The following FMN1 variants were observed in gnomAD, a reference collection of about 807,000 sequenced individuals.
The protein encoded by FMN1 is formin-1.
A neutral mutation model predicts 132.4 loss-of-function variants in FMN1; 110 were observed. That is an observed-to-expected ratio of 0.83 (90% CI 0.71 to 0.97). The LOEUF is 0.97. Among genes scored for constraint, FMN1 ranks in the 50% least tolerant of loss-of-function variants. FMN1 has a pLI of 0.00. For synonymous variants in FMN1, 722 were observed against 651.7 expected (o/e 1.11, Z -1.64); for missense variants, 1,792 against 1,705.3 (o/e 1.05, Z -0.90).
chr15:33,019,380 G>T (rs1296985842), intron 6 of FMN1, among the ~76,000 whole-genome samples: 1 of 152,182 alleles, frequency 6.6e-6, no homozygotes, highest in Non-Finnish European at 1.5e-5. Flanking sequence ...CAGACATAAA[G>T]ATTCTCCAAG....
intron 3 of FMN1, among the ~76,000 whole-genome samples, chr15:33,170,555 TA>T (rs199549365): frequency 0.18 from 23,702 of 128,890 alleles, 2,902 homozygotes; most frequent in African/African-American, 0.36. Flanking sequence ...AACTCAACAA[TA>T]AAAAAAAAAA....
chr15:33,017,737 A>T (rs1442692659), intron 6 of FMN1, among the ~76,000 whole-genome samples: 1 of 152,194 alleles, frequency 6.6e-6, no homozygotes, highest in Non-Finnish European at 1.5e-5. Context: ...CTAGTTTCTT[A>T]CCGCTATGGT....
At chr15:32,777,113 T>C (rs1397046460) in intron 19 of FMN1, among the ~76,000 whole-genome samples, 194 bp from the exon 20 acceptor site, 2 of 152,214 alleles carry the variant, frequency 1.3e-5, no homozygotes, top group Admixed American at 1.3e-4. Flanking sequence ...GTGTGAAGGC[T>C]TCTCTGCTTT....
At chr15:33,018,697 C>G (rs986893726) in intron 6 of FMN1, among the ~76,000 whole-genome samples, 1 of 152,070 alleles carries the variant, frequency 6.6e-6, no homozygotes, top group Non-Finnish European at 1.5e-5. Context: ...AGCTGCGGAC[C>G]CTTGCCATGA....
chr15:32,917,687 G>T (rs1156632337), intron 10 of FMN1, among the ~76,000 whole-genome samples: 2 of 152,100 alleles, frequency 1.3e-5, no homozygotes, highest in Non-Finnish European at 2.9e-5. Context: ...CCAAGGCAGT[G>T]GTAATTTACT....
At chr15:33,008,260 C>T (rs865820081) in intron 6 of FMN1, among the ~76,000 whole-genome samples, 185 bp from the exon 7 acceptor site, 1 of 152,028 alleles carries the variant, frequency 6.6e-6, no homozygotes, top group Non-Finnish European at 1.5e-5. Flanking sequence ...AAATTCCTTC[C>T]TTTTAGCAAA....
In FMN1 at chr15:32,768,327, G is replaced by C. The variant is rs940860188; in HGVS notation, c.*5983C>G. The C allele has an allele frequency of 6.6e-6, 1 of 152,180 alleles. No individual in the cohort carries two copies. The highest frequency in any genetic ancestry group is 1.9e-4 in the East Asian group (1 of 5,196). 9.4% of individuals were successfully genotyped at this position (152,180 alleles called of 1,614,324 possible). ...CAAAAACACATTCGTTTCATAAGAG[G>C]AAAGTGGAAGAAAGCCCCTGAAGAG... On this transcript the variant is annotated 3_prime_UTR_variant, in exon 21 of 21. Transcript: ENST00000616417.
chr15:33,155,156 C>A, intron 3 of FMN1, 111 bp from the exon 4 acceptor site: 1 of 405,590 alleles, frequency 2.5e-6, no homozygotes, highest in South Asian at 3.9e-5. Context: ...TGGCTGACCT[C>A]AACAACTCAA....
chr15:32,969,871 A>G (rs1371673399), intron 7 of FMN1, among the ~76,000 whole-genome samples: 1 of 152,242 alleles, frequency 6.6e-6, no homozygotes, highest in Non-Finnish European at 1.5e-5. Context: ...AAAACTATAA[A>G]GAAAAAAATA....
At chr15:33,142,410 C>T (rs949845914) in intron 4 of FMN1, among the ~76,000 whole-genome samples, 13 of 152,152 alleles carry the variant, frequency 8.5e-5, no homozygotes, top group Non-Finnish European at 1.6e-4. Flanking sequence ...ATTCTGTCAC[C>T]TAACACCTCT....
At chr15:33,071,280 G>A (rs1029322878) in intron 5 of FMN1, among the ~76,000 whole-genome samples, 3 of 152,166 alleles carry the variant, frequency 2.0e-5, no homozygotes, top group African/African-American at 7.2e-5. Context: ...GAAAAATCAA[G>A]CAAAAATTCC....
intron 15 of FMN1, among the ~76,000 whole-genome samples, chr15:32,898,482 T>G (rs1241011272): frequency 6.6e-6 from 1 of 152,172 alleles, no homozygotes; most frequent in Non-Finnish European, 1.5e-5. Context: ...CTTTCCTAAA[T>G]TTTGCTTTGC....
At chr15:32,986,277 T>C (rs989459383) in intron 7 of FMN1, among the ~76,000 whole-genome samples, 1 of 152,128 alleles carries the variant, frequency 6.6e-6, no homozygotes, top group Non-Finnish European at 1.5e-5. Context: ...ATAAAGTGTA[T>C]CCGTTGAGGC....
At chr15:32,886,895 C>T (rs1258491694) in intron 16 of FMN1, among the ~76,000 whole-genome samples, 2 of 152,098 alleles carry the variant, frequency 1.3e-5, no homozygotes, top group African/African-American at 2.4e-5. Flanking sequence ...AGGATACAAC[C>T]GCCAATTCTT....
intron 17 of FMN1, among the ~76,000 whole-genome samples, chr15:32,846,760 G>A (rs557574456): frequency 3.9e-5 from 6 of 152,288 alleles, no homozygotes; most frequent in South Asian, 2.1e-4. Context: ...GCATGCACAC[G>A]TATGTTTATT....
At chr15:33,024,541 T>C (rs1197830859) in intron 6 of FMN1, among the ~76,000 whole-genome samples, 2 of 152,140 alleles carry the variant, frequency 1.3e-5, no homozygotes, top group African/African-American at 4.8e-5. Flanking sequence ...CCACCACGCC[T>C]GGCCCAGATT....
At chr15:32,790,114 G>A (rs892602470) in intron 19 of FMN1, among the ~76,000 whole-genome samples, 1 of 152,206 alleles carries the variant, frequency 6.6e-6, no homozygotes, top group East Asian at 1.9e-4. Context: ...CAAGAGACTG[G>A]AGTAGACCAA....
intron 4 of FMN1, among the ~76,000 whole-genome samples, chr15:33,093,368 C>T (rs1223707084): frequency 1.3e-5 from 2 of 152,130 alleles, no homozygotes; most frequent in South Asian, 2.1e-4. Flanking sequence ...CAAACGTGTA[C>T]TTACCAGCAA....
chr15:32,973,797 T>C (rs1163405889), intron 7 of FMN1, among the ~76,000 whole-genome samples: 1 of 152,232 alleles, frequency 6.6e-6, no homozygotes, highest in East Asian at 1.9e-4. Flanking sequence ...AGTTCATGCA[T>C]ACCATGCATG....
Sources: allele counts gnomAD v4.1 joint callset (sites outside exome capture counted in the v4.1 genomes callset), GRCh38; gene constraint gnomAD v4.1.1; transcripts MANE v1.5; gene names NCBI Gene and HGNC (gene_info 2026-07-23, HGNC 2026-07-21).